The following ZNF181 variants were observed in gnomAD, a reference collection of about 807,000 sequenced individuals.
ZNF181 encodes the protein zinc finger protein 181 (HHZ181).
Under a neutral mutation model 11.9 loss-of-function variants are expected in ZNF181, and 8 were observed. That is an observed-to-expected ratio of 0.67 (90% CI 0.39 to 1.21). ZNF181 has a LOEUF of 1.21. ZNF181 is among the 50% of genes most tolerant of loss of function. The pLI is 0.01. For missense variants in ZNF181, 542 were observed against 670.9 expected (o/e 0.81, Z 2.12); for synonymous variants, 202 against 221.1 (o/e 0.91, Z 0.77).
chr19:34,741,678 T>G lies in ZNF181; in HGVS notation c.1297T>G (p.Phe433Val). Reference protein sequence around the residue: ...HQSIHTEEKPFECQKCRKSFN... With the variant: ...HQSIHTEEKPVECQKCRKSFN... ...GAGTATTCATACTGAAGAAAAACCC[T>G]TTGAATGTCAGAAATGCAGGAAATC... Residue 433 changes from phenylalanine (F) to valine (V), a missense_variant, in exon 4 of 4, where the codon TTT becomes GTT. Physicochemically the swap from Phe to Val is conservative, Grantham distance 50 (BLOSUM62 -1). Coordinates refer to ENST00000492450, the MANE Select transcript of ZNF181 (RefSeq NM_001029997.4). 1 of 1,613,754 alleles carries G rather than the reference T, an allele frequency of 6.2e-7. No individual in the cohort carries two copies. The highest frequency in any genetic ancestry group is 2.2e-5 in the East Asian group (1 of 44,868).
Position 34,740,862 on chromosome 19 carries a change from A to G in ZNF181, c.481A>G (p.Arg161Gly). ...CAGTGTTTACAAATACAATATATTT[A>G]GAAGCACCTTTCATTCAAAGTCTAC... ...ADSVYKYNIF[R>G]STFHSKSTLS... Residue 161 changes from arginine (R) to glycine (G), a missense_variant, in exon 4 of 4, where the codon AGA (arginine) becomes GGA (glycine). By Grantham distance (125) the Arg-to-Gly change is moderately radical (BLOSUM62 -2). Coordinates refer to ENST00000492450, the MANE Select transcript of ZNF181 (RefSeq NM_001029997.4). 1.2e-6 allele frequency: 2 copies of G among 1,614,066 alleles called. No homozygotes were observed. Among genetic ancestry groups the G allele is most frequent in the Non-Finnish European group, 1.7e-6 (2 of 1,179,962 alleles).
At chr19:34,739,752 A>G in intron 3 of ZNF181, 131 bp downstream of exon 3, 1 of 917,302 alleles carries the variant, frequency 1.1e-6, no homozygotes, top group Non-Finnish European at 1.6e-6. Context: ...GAAATGAAAA[A>G]TTGTGGGATA....
chr19:34,736,266 G>A (rs371303693), intron 1 of ZNF181: 3 of 675,536 alleles, frequency 4.4e-6, no homozygotes, highest in African/African-American at 3.6e-5. Context: ...TAGATAATTA[G>A]AATTGAAAAA....
In ZNF181 at chr19:34,739,207, T is replaced by C; in HGVS notation, c.69T>C (p.Ser23=). 1 of 1,613,880 alleles carries C rather than the reference T, an allele frequency of 6.2e-7. No individual in the cohort carries two copies. ...ATGAAGAGTGGGGATGGCTCAGTTC[T>C]GCTCAGAGGGACTTATACAAGGATG... is the stretch of plus-strand genomic sequence containing the variant. ...FTHEEWGWLS[S]AQRDLYKDVM... is the part of the protein sequence containing the mutation. Residue 23 remains serine, a synonymous_variant, in exon 2 of 4, where the codon TCT becomes TCC. Coordinates refer to ENST00000492450, the MANE Select transcript of ZNF181 (RefSeq NM_001029997.4).
At chr19:34,736,533 G>A (rs1006361341) in intron 1 of ZNF181, among the ~76,000 whole-genome samples, 1 of 152,170 alleles carries the variant, frequency 6.6e-6, no homozygotes, top group African/African-American at 2.4e-5. Flanking sequence ...TGACACACAG[G>A]ACTTCATGAT....
rs1407992263 is a variant in ZNF181 at position 34,734,880 on chromosome 19, A to G, written c.-158A>G. 2 of 670,180 alleles carry G rather than the reference A, an allele frequency of 3.0e-6. No individual in the cohort carries two copies. Among genetic ancestry groups the G allele is most frequent in the Admixed American group, 2.9e-5 (1 of 34,756 alleles). The allele number at this position is 670,180 out of a possible 1,614,324, so 41.5% of individuals were successfully genotyped here. On this transcript the variant is annotated 5_prime_UTR_variant, in exon 1 of 4. Transcript: ENST00000492450. ...ATTGGCGCCCTGGAGAGTGATTACC[A>G]GTGTGCCTTTCCATTATGGTGTGTC...
chr19:34,735,969 G>C (rs909467196), intron 1 of ZNF181: 16 of 539,064 alleles, frequency 3.0e-5, no homozygotes, highest in African/African-American at 2.8e-4. Flanking sequence ...GTTTTCCACA[G>C]TGTGTGTCAC....
chr19:34,739,015 A>G lies in ZNF181; in HGVS notation c.10-133A>G, dbSNP rs571459707. On this transcript the variant is annotated intron_variant, in intron 1 of 3. Coordinates refer to ENST00000492450, the MANE Select transcript of ZNF181 (RefSeq NM_001029997.4). ...ACTGTCCTATTATTACTTAACTGAG[A>G]TCACATTCCCAATCATTGCCACAAC... The G allele has an allele frequency of 2.0e-5, 26 of 1,329,456 alleles. No individual in the cohort carries two copies. The African/African-American group carries it at 3.1e-4, about 16-fold the overall frequency. The allele number at this position is 1,329,456 out of a possible 1,614,324, so 82.4% of individuals were successfully genotyped here. A position where few individuals can be genotyped will look rare whatever the true frequency, so the allele number is the denominator to read the frequency against.
At position 34,741,580 on chromosome 19, in the gene ZNF181, C is replaced by T. The variant is rs147357751; in HGVS notation, c.1199C>T (p.Thr400Ile). Reference sequence around the variant, plus strand: ...CTTACTCGACATCAAAGAATTCACACTATGGAGAAACAATATGAATGCAAC... The same window carrying T: ...CTTACTCGACATCAAAGAATTCACATTATGGAGAAACAATATGAATGCAAC... ...SHLTRHQRIH[T>I]MEKQYECNKC... Residue 400 changes from threonine to isoleucine, a missense_variant, in exon 4 of 4, where the codon ACT becomes ATT. By Grantham distance (89) the Thr-to-Ile change is moderately conservative. Transcript: ENST00000492450. 157 of 1,613,970 alleles carry T rather than the reference C, an allele frequency of 9.7e-5. No homozygotes were observed. Among genetic ancestry groups the T allele is most frequent in the Middle Eastern group, 6.6e-4 (4 of 6,062 alleles).
At chr19:34,738,996 C>G (rs2068927704) in intron 1 of ZNF181, among the ~76,000 whole-genome samples, 152 bp from the exon 2 acceptor site, 1 of 152,180 alleles carries the variant, frequency 6.6e-6, no homozygotes, top group African/African-American at 2.4e-5. Context: ...CATAACTGTC[C>G]TATTATTACT....
chr19:34,741,875 C>G lies in ZNF181; in HGVS notation c.1494C>G (p.Phe498Leu). ...AATGTATTAAATGTGGGAAGACCTT[C>G]AGCTGTAGTTCAAACCTTACCGTAC... ...PYECIKCGKTFSCSSNLTVHQ... is the reference protein window; with the variant it reads ...PYECIKCGKTLSCSSNLTVHQ... The change falls in exon 4 of 4, where the codon TTC (phenylalanine) becomes TTG (leucine). Residue 498 changes from phenylalanine (F) to leucine (L), a missense_variant. Physicochemically the swap from Phe to Leu is conservative, Grantham distance 22. Coordinates refer to ENST00000492450, the MANE Select transcript of ZNF181 (RefSeq NM_001029997.4). 6.2e-7 allele frequency: 1 copy of G among 1,613,798 alleles called. No individual in the cohort carries two copies. The highest frequency in any genetic ancestry group is 1.1e-5 in the South Asian group (1 of 91,044).
chr19:34,743,677 G>A lies in ZNF181; in HGVS notation c.*1580G>A, dbSNP rs1037956052. ...TGCTGGCAGCATCATTGCAGCAACC[G>A]TCATTTCTCTATCCCTGAGTCATAG... On this transcript the variant is annotated 3_prime_UTR_variant, in exon 4 of 4. Coordinates refer to ENST00000492450, the MANE Select transcript of ZNF181 (RefSeq NM_001029997.4). The A allele has an allele frequency of 2.0e-5, 3 of 152,194 alleles. No individual in the cohort carries two copies. The highest frequency in any genetic ancestry group is 3.8e-4 in the East Asian group (2 of 5,200). The allele number at this position is 152,194 out of a possible 1,614,324, so 9.4% of individuals were successfully genotyped here. A position where few individuals can be genotyped will look rare whatever the true frequency, so the allele number is the denominator to read the frequency against.
intron 1 of ZNF181, among the ~76,000 whole-genome samples, chr19:34,737,090 A>G (rs184844097): frequency 6.1e-4 from 93 of 152,340 alleles, no homozygotes; most frequent in African/African-American, 2.1e-3. Context: ...ATTGGATTGT[A>G]TCTGCTTGGC....
Position 34,741,620 on chromosome 19 carries a change from C to G in ZNF181, c.1239C>G (p.Val413=). The G allele has an allele frequency of 6.2e-7, 1 of 1,613,854 alleles. No individual in the cohort carries two copies. Among genetic ancestry groups the G allele is most frequent in the Non-Finnish European group, 8.5e-7 (1 of 1,179,916 alleles). The change falls in exon 4 of 4, where the codon GTC becomes GTG. Residue 413 remains valine, a synonymous_variant. Coordinates refer to ENST00000492450, the MANE Select transcript of ZNF181 (RefSeq NM_001029997.4). ...KQYECNKCLK[V]FSSLSFLVQH... is the part of the protein sequence containing the mutation. Reference sequence around the variant, plus strand: ...ATGAATGCAACAAATGTCTGAAAGTCTTTAGTAGCCTCTCATTTCTTGTTC... The same window carrying G: ...ATGAATGCAACAAATGTCTGAAAGTGTTTAGTAGCCTCTCATTTCTTGTTC...
chr19:34,735,932 C>A (rs2068882125), intron 1 of ZNF181: 8 of 476,496 alleles, frequency 1.7e-5, no homozygotes, highest in Non-Finnish European at 2.9e-5. Flanking sequence ...TCGCCTAGCA[C>A]TTCCACTCCT....
chr19:34,737,179 A>C (rs8106730), intron 1 of ZNF181, among the ~76,000 whole-genome samples: 105,477 of 152,156 alleles, frequency 0.69, 36,810 homozygotes, highest in African/African-American at 0.77. Flanking sequence ...TGATTTAGTG[A>C]TTATTAAGTA....
rs2069005148 is a variant in ZNF181, at chr19:34,743,169, A to T, written c.*1072A>T. ...AGTAGGAGGGCTTGTTAAAGCACAG[A>T]TTGCTAAGTCTGAATCTTAGGGTTT... On this transcript the variant is annotated 3_prime_UTR_variant, in exon 4 of 4. Coordinates refer to ENST00000492450, the MANE Select transcript of ZNF181 (RefSeq NM_001029997.4). 6.6e-6 allele frequency: 1 copy of T among 152,206 alleles called. No homozygotes were observed. Among genetic ancestry groups the T allele is most frequent in the Non-Finnish European group, 1.5e-5 (1 of 68,038 alleles). 9.4% of individuals were successfully genotyped at this position (152,206 alleles called of 1,614,324 possible). A position where few individuals can be genotyped will look rare whatever the true frequency, so the allele number is the denominator to read the frequency against.
rs1179751805 is a variant in ZNF181 at position 34,743,766 on chromosome 19, A to C, written c.*1669A>C. On this transcript the variant is annotated 3_prime_UTR_variant, in exon 4 of 4. Transcript: ENST00000492450. ...TTCTCATTACTTTTACAGCCCACCTACCAATTTTGAAAGCACTAATTTGCA... is the reference window on the plus strand; with the variant it reads ...TTCTCATTACTTTTACAGCCCACCTCCCAATTTTGAAAGCACTAATTTGCA... The C allele has an allele frequency of 5.9e-5, 9 of 152,230 alleles. No individual in the cohort carries two copies. The highest frequency in any genetic ancestry group is 1.9e-4 in the African/African-American group (8 of 41,452). The allele number at this position is 152,230 out of a possible 1,614,324, so 9.4% of individuals were successfully genotyped here.
At position 34,742,384 on chromosome 19, in the gene ZNF181, T is replaced by G; in HGVS notation, c.*287T>G. On this transcript the variant is annotated 3_prime_UTR_variant, in exon 4 of 4. Transcript: ENST00000492450. ...GAAAGACTACAGACAATAGGAATCT[T>G]TTACAAACTCCTACAGGAGAGAAGC... The G allele has an allele frequency of 5.0e-6, 1 of 200,430 alleles. No individual in the cohort carries two copies. The highest frequency in any genetic ancestry group is 1.0e-5 in the Non-Finnish European group (1 of 98,986). The allele number at this position is 200,430 out of a possible 1,614,324, so 12.4% of individuals were successfully genotyped here. A position where few individuals can be genotyped will look rare whatever the true frequency, so the allele number is the denominator to read the frequency against.
Sources: gnomAD v4.1 joint callset for allele counts (sites outside exome capture counted in the v4.1 genomes callset) on GRCh38, gnomAD v4.1.1 for gene constraint, MANE v1.5 for transcripts, NCBI Gene and HGNC (gene_info 2026-07-23, HGNC 2026-07-21) for gene names.